LITAF: variants seen among roughly 807,000 people sequenced by gnomAD.
LITAF encodes the protein lipopolysaccharide induced TNF factor, also known as lipopolysaccharide-induced tumor necrosis factor-alpha factor.
In LITAF, 9 loss-of-function variants were observed where a neutral mutation model predicts 14.5. That is an observed-to-expected ratio of 0.62 (90% CI 0.37 to 1.08). The LOEUF (loss-of-function observed/expected upper bound fraction) is 1.08. Ranked by LOEUF, LITAF falls within the 50% of genes least tolerant of loss-of-function variation. The pLI, the probability that LITAF is intolerant of heterozygous loss-of-function variation, is 0.01. For synonymous variants in LITAF, 98 were observed against 88.2 expected, an observed-to-expected ratio of 1.11 and a Z score of -0.62; for missense variants, 206 against 213.4, an observed-to-expected ratio of 0.97 and a Z score of 0.22.
chr16:11,575,578 A>G (rs1421496846), intron 1 of LITAF: 1 of 152,182 alleles, frequency 6.6e-6, no homozygotes, highest in African/African-American at 2.4e-5. Flanking sequence ...CCCCAGGGGG[A>G]TTCAACTCCT....
chr16:11,606,458 C>T (rs1171545873), intron 3 of LITAF, among the ~76,000 whole-genome samples: 1 of 151,918 alleles, frequency 6.6e-6, no homozygotes, highest in Non-Finnish European at 1.5e-5. Context: ...TGTGAGCCAC[C>T]TCGCCTGGCC....
At chr16:11,572,513 T>TGCTGACGGGACATCACACACCG (rs1295832228) in intron 1 of LITAF, among the ~76,000 whole-genome samples, 3 of 151,608 alleles carry the variant, frequency 2.0e-5, no homozygotes, top group African/African-American at 7.3e-5. Flanking sequence ...ATCACACACC[T>TGCTGACGGGACATCACACACCG]GCTGACGGGA....
chr16:11,563,152 ATAAT>A (rs2141750786), intron 1 of LITAF, among the ~76,000 whole-genome samples: 1 of 128,896 alleles, frequency 7.8e-6, no homozygotes, highest in African/African-American at 2.6e-5. Flanking sequence ...TATAATAATA[ATAAT>A]TTTTTTTTTT....
intron 1 of LITAF, among the ~76,000 whole-genome samples, chr16:11,557,843 T>A (rs1043660855): frequency 1.2e-4 from 19 of 152,304 alleles, no homozygotes; most frequent in Middle Eastern, 3.4e-3. Flanking sequence ...CACATTTTCT[T>A]TTGTGAGGGC....
intron 3 of LITAF, among the ~76,000 whole-genome samples, chr16:11,610,449 C>A (rs554501215): frequency 8.5e-5 from 13 of 152,248 alleles, no homozygotes; most frequent in South Asian, 6.2e-4. Context: ...CCAGCCTGCA[C>A]GCTGGGCAGT....
chr16:11,634,595 T>G lies in LITAF; in HGVS notation c.-20-958A>C, dbSNP rs2065130923. ...GGTTTTTGCATTTCTGACGATCCAC[T>G]GAGGACTCAGTGCACATGAGGACCA... On this transcript the variant is annotated intron_variant, in intron 2 of 3. Transcript: ENST00000574848. The surrounding 1 kb of genome is among the most constrained non-coding windows in gnomAD (Gnocchi z 4.1). Among the ~76,000 whole-genome samples, 4 of 152,160 alleles carry G rather than the reference T, an allele frequency of 2.6e-5. No individual in the cohort carries two copies. The highest frequency in any genetic ancestry group is 2.1e-4 in the South Asian group (1 of 4,836).
At chr16:11,569,283 C>G (rs577432589) in intron 1 of LITAF, among the ~76,000 whole-genome samples, 1 of 152,294 alleles carries the variant, frequency 6.6e-6, no homozygotes, top group East Asian at 1.9e-4. Flanking sequence ...CTCTATTGCA[C>G]AGGCTGGAGT....
chr16:11,549,754 A>T lies in LITAF; in HGVS notation c.378-9T>A, dbSNP rs1270450888. 1 of 1,606,796 alleles carries T rather than the reference A, an allele frequency of 6.2e-7. No homozygotes were observed. The highest frequency in any genetic ancestry group is 1.1e-5 in the South Asian group (1 of 90,334). On this transcript the variant is annotated splice_polypyrimidine_tract_variant and intron_variant, in intron 3 of 3. Coordinates refer to ENST00000622633, the MANE Select transcript of LITAF (RefSeq NM_001136472.2). The surrounding 1 kb of genome is among the most constrained non-coding windows in gnomAD (Gnocchi z 4.6). ...AGCAGCCCGCTATGCACCTGGGAGG[A>T]GAGAGAGACACACGGAGCGCGTTAC...
At position 11,634,852 on chromosome 16, in the gene LITAF, G is replaced by A. The variant is rs1359811527; in HGVS notation, c.-21+973C>T. 6.6e-6 allele frequency among the ~76,000 whole-genome samples: 1 copy of A among 152,018 alleles called. No homozygotes were observed. The highest frequency in any genetic ancestry group is 1.5e-5 in the Non-Finnish European group (1 of 68,000). On this transcript the variant is annotated intron_variant, in intron 2 of 3. Transcript: ENST00000574848. This position sits in a 1 kb window ranked among gnomAD's most constrained non-coding sequence, Gnocchi z 4.1. ...AGTTCAGGACCAGCCTGGCTAACCT[G>A]GTGAAACCCCGTCTCTACTAAAAAT...
intron 1 of LITAF, among the ~76,000 whole-genome samples, chr16:11,562,313 C>CAAAAAAAAA (rs57317505): frequency 1.6e-5 from 1 of 61,430 alleles, no homozygotes; most frequent in African/African-American, 6.6e-5. Flanking sequence ...GACTCCGTCT[C>CAAAAAAAAA]AAAAAAAAAA....
chr16:11,578,508 G>A (rs1460096739), intron 1 of LITAF, among the ~76,000 whole-genome samples: 1 of 152,182 alleles, frequency 6.6e-6, no homozygotes, highest in African/African-American at 2.4e-5. Context: ...TGTAGCCTGG[G>A]CAACAAGAGC....
upstream of LITAF, among the ~76,000 whole-genome samples, chr16:11,589,681 C>G (rs983469885): frequency 2.9e-5 from 4 of 139,226 alleles, no homozygotes; most frequent in African/African-American, 8.1e-5. Context: ...TACAGTGGCT[C>G]GATCACAGCT....
chr16:11,562,336 A>AAG (rs1555467766), intron 1 of LITAF, among the ~76,000 whole-genome samples: 62 of 149,946 alleles, frequency 4.1e-4, no homozygotes, highest in African/African-American at 1.5e-3. Flanking sequence ...AAAAAAAAAA[A>AAG]AAGAAGGAAG....
At chr16:11,629,546 A>G (rs2065105452) in intron 3 of LITAF, among the ~76,000 whole-genome samples, 1 of 145,880 alleles carries the variant, frequency 6.9e-6, no homozygotes, top group Admixed American at 6.8e-5. Context: ...TGGGCTGCCA[A>G]GAAGGGTGGG....
chr16:11,636,433 G>T (rs1431069745), upstream of LITAF: 2 of 152,248 alleles, frequency 1.3e-5, no homozygotes, highest in South Asian at 2.1e-4. Context: ...GGCGGAGTCT[G>T]ATTTACATAG....
At chr16:11,630,042 C>T (rs1396964841) in intron 3 of LITAF, among the ~76,000 whole-genome samples, 1 of 152,156 alleles carries the variant, frequency 6.6e-6, no homozygotes, top group Non-Finnish European at 1.5e-5. Context: ...AGGTGCTCAG[C>T]GCACTTCTAT....
chr16:11,565,981 T>C (rs1567242526), intron 1 of LITAF, among the ~76,000 whole-genome samples: 1 of 152,012 alleles, frequency 6.6e-6, no homozygotes, highest in Non-Finnish European at 1.5e-5. Flanking sequence ...GGCATGACTT[T>C]AGTGCCTCAG....
chr16:11,587,842 A>G (rs12923640), upstream of LITAF, among the ~76,000 whole-genome samples: 33,991 of 152,138 alleles, frequency 0.22, 4,518 homozygotes, highest in Non-Finnish European at 0.3. Flanking sequence ...CAGAGTACAC[A>G]GAGTCAGGAG....
At chr16:11,559,186 G>A (rs1030189565) in intron 1 of LITAF, among the ~76,000 whole-genome samples, 1 of 152,118 alleles carries the variant, frequency 6.6e-6, no homozygotes, top group Non-Finnish European at 1.5e-5. Flanking sequence ...AGCCTAGCAG[G>A]TGGAGGCTAC....
Sources: allele counts gnomAD v4.1 joint callset (sites outside exome capture counted in the v4.1 genomes callset), GRCh38; gene constraint gnomAD v4.1.1; non-coding constraint Gnocchi (gnomAD v3.1); transcripts MANE v1.5; gene names NCBI Gene and HGNC (gene_info 2026-07-23, HGNC 2026-07-21).